Variants in LAMA1 observed in about 807,000 individuals in gnomAD.
LAMA1 encodes laminin subunit alpha 1.
LAMA1 carries 219 observed loss-of-function variants against 348.7 expected under a neutral mutation model. That is an observed-to-expected ratio of 0.63 (90% CI 0.56 to 0.70). The LOEUF is 0.70. Among genes scored for constraint, LAMA1 ranks in the 30% least tolerant of loss-of-function variants. The probability of loss-of-function intolerance (pLI) is 0.00; values close to 1 mark genes in which losing one functional copy is unlikely to be tolerated. For missense variants in LAMA1, 3,744 were observed against 3,888.0 expected (o/e 0.96, Z 0.99); for synonymous variants, 1,487 against 1,491.0 (o/e 1.00, Z 0.06).
rs140941732 is a variant in LAMA1 at position 6,996,403 on chromosome 18, G to C, written c.4807-957C>G. Among the ~76,000 whole-genome samples the C allele has an allele frequency of 1.9e-3, 289 of 152,216 alleles. 7 individuals are homozygous for C. The East Asian group carries it at 0.047, about 25-fold the overall frequency. On this transcript the variant is annotated intron_variant, in intron 33 of 62. Coordinates refer to ENST00000389658, the MANE Select transcript of LAMA1 (RefSeq NM_005559.4). ...ATGGCCATCCCTTTTATTGCTACCT[G>C]GTGCACTGCATAGATTATGTCAAAT...
At chr18:7,007,403 T>G in intron 28 of LAMA1, 127 bp from the exon 29 acceptor site, 8 of 864,970 alleles carry the variant, frequency 9.2e-6, no homozygotes, top group East Asian at 2.7e-5. Context: ...TCGACATCTC[T>G]ATCAGAGAAA....
intron 49 of LAMA1, 46 bp from the exon 50 acceptor site, chr18:6,965,478 G>C: frequency 6.2e-7 from 1 of 1,609,352 alleles, no homozygotes; most frequent in Non-Finnish European, 8.5e-7. Flanking sequence ...CTTTATCCCA[G>C]GTTTCCCTTT....
At chr18:6,977,285 C>G (rs1229353592) in intron 44 of LAMA1, among the ~76,000 whole-genome samples, 1 of 152,172 alleles carries the variant, frequency 6.6e-6, no homozygotes, top group Admixed American at 6.5e-5. Context: ...TCAGACACCT[C>G]AAGGATGAGG....
At chr18:7,013,027 G>C (rs1432326676) in intron 23 of LAMA1, among the ~76,000 whole-genome samples, 1 of 151,824 alleles carries the variant, frequency 6.6e-6, no homozygotes, top group Non-Finnish European at 1.5e-5. Context: ...CAGGCGTGGT[G>C]GTGGGCACCT....
At chr18:7,038,479 C>T (rs897411252) in intron 11 of LAMA1, 1 of 393,916 alleles carries the variant, frequency 2.5e-6, no homozygotes, top group Non-Finnish European at 4.8e-6. Context: ...GCCCTCTGGG[C>T]TCCCAGGCCT....
intron 61 of LAMA1, among the ~76,000 whole-genome samples, chr18:6,944,448 C>T (rs895052677): frequency 2.6e-5 from 4 of 152,146 alleles, no homozygotes; most frequent in Admixed American, 1.3e-4. Context: ...GGCTGAAGAC[C>T]GCCCTCCAAA....
chr18:7,057,705 T>C (rs2058087582), intron 3 of LAMA1, among the ~76,000 whole-genome samples: 1 of 151,604 alleles, frequency 6.6e-6, no homozygotes, highest in South Asian at 2.1e-4. Flanking sequence ...TCTTGAACTC[T>C]TGGGCTCAAG....
At chr18:7,112,993 C>T (rs985972780) in intron 1 of LAMA1, among the ~76,000 whole-genome samples, 4 of 152,172 alleles carry the variant, frequency 2.6e-5, no homozygotes, top group Admixed American at 2.0e-4. Flanking sequence ...TTCAACTTAG[C>T]TCAACAACAA....
rs371549771 is a variant in LAMA1, at chr18:6,964,786, C to T, written c.7213G>A (p.Asp2405Asn). ...NRKQGVLAVI[D>N]AYNTSNKETK... ...TCTTTATTACTGGTGTTATAGGCAT[C>T]GATAACTGCTAGCACTCCTAAAAGG... The change falls in exon 51 of 63, where the codon GAT becomes AAT. Residue 2405 changes from aspartate (D) to asparagine (N), a missense_variant. Asp to Asn is a conservative substitution (Grantham distance 23). Around this residue, in one of 3 missense-constraint regions of LAMA1, gnomAD observed 1,983 missense variants for 1,934.3 expected, o/e 1.03. Coordinates refer to ENST00000389658, the MANE Select transcript of LAMA1 (RefSeq NM_005559.4). 72 of 1,613,858 alleles carry T rather than the reference C, an allele frequency of 4.5e-5. 1 individual carries two copies. The East Asian group carries it at 1.1e-3, about 24-fold the overall frequency.
chr18:7,044,429 A>G lies in LAMA1; in HGVS notation c.976+293T>C, dbSNP rs181776975. ...TTATTTAAAACTTAAATCCAAATCA[A>G]TACAGAATATACAACCTGGCATATC... On this transcript the variant is annotated intron_variant, in intron 7 of 62. Transcript: ENST00000389658. 1.5e-3 allele frequency among the ~76,000 whole-genome samples: 233 copies of G among 152,292 alleles called. 2 individuals are homozygous for G. Among genetic ancestry groups the G allele is most frequent in the Admixed American group, 0.014 (211 of 15,290 alleles).
Position 7,088,869 on chromosome 18 carries a change from C to T in LAMA1, c.62-8412G>A, listed in dbSNP as rs747624301. ...TAAAAATATGTCAAGAGGCTGGACACGGAGGCTCAGGTCTGTAATCCCAGC... is the reference window on the plus strand; with the variant it reads ...TAAAAATATGTCAAGAGGCTGGACATGGAGGCTCAGGTCTGTAATCCCAGC... On this transcript the variant is annotated intron_variant, in intron 1 of 62. Coordinates refer to ENST00000389658, the MANE Select transcript of LAMA1 (RefSeq NM_005559.4). Among the ~76,000 whole-genome samples, 15 of 152,120 alleles carry T rather than the reference C, an allele frequency of 9.9e-5. 1 individual carries two copies. The South Asian group carries it at 1.2e-3, about 13-fold the overall frequency.
Position 6,950,029 on chromosome 18 carries a change from T to G in LAMA1, c.8397+753A>C, listed in dbSNP as rs143057526. Among the ~76,000 whole-genome samples, 311 of 152,222 alleles carry G rather than the reference T, an allele frequency of 2.0e-3. 3 individuals are homozygous for G. The highest frequency in any genetic ancestry group is 7.0e-3 in the African/African-American group (289 of 41,514). Reference sequence around the variant, plus strand: ...CTCCAATTGCCCCATATAGATAACATTGCTATTGTAAAACCTAGGACTGGC... The same window carrying G: ...CTCCAATTGCCCCATATAGATAACAGTGCTATTGTAAAACCTAGGACTGGC... On this transcript the variant is annotated intron_variant, in intron 58 of 62. Transcript: ENST00000389658.
At chr18:7,029,159 G>T (rs2057957453) in intron 16 of LAMA1, among the ~76,000 whole-genome samples, 1 of 152,126 alleles carries the variant, frequency 6.6e-6, no homozygotes, top group African/African-American at 2.4e-5. Flanking sequence ...ATCTAAACTG[G>T]AATATGAATC....
chr18:6,992,369 T>G (rs1375453332), intron 36 of LAMA1, among the ~76,000 whole-genome samples, 192 bp downstream of exon 36: 1 of 152,220 alleles, frequency 6.6e-6, no homozygotes, highest in African/African-American at 2.4e-5. Flanking sequence ...CTGCACAGAT[T>G]ACACCTTTCT....
intron 19 of LAMA1, among the ~76,000 whole-genome samples, chr18:7,021,833 A>ATATT (rs199751950): frequency 3.2e-4 from 21 of 65,914 alleles, no homozygotes; most frequent in African/African-American, 1.7e-3. Flanking sequence ...TATATAATAT[A>ATATT]ATAATATATT....
rs140936136 is a variant in LAMA1 at position 6,985,172 on chromosome 18, C to T, written c.5660+65G>A. ...AGTGACCCATCACTGTGAATAGAAA[C>T]ATCCATCTATTTCTCCGATCAATAG... On this transcript the variant is annotated intron_variant, in intron 39 of 62. Transcript: ENST00000389658. 1.2e-4 allele frequency: 188 copies of T among 1,548,230 alleles called. 1 individual carries two copies. In the East Asian group the frequency reaches 3.0e-3, roughly 25 times the overall value.
chr18:6,997,910 GAGTTAA>G (rs1411703837), intron 32 of LAMA1, 26 bp from the exon 33 acceptor site: 3 of 1,611,812 alleles, frequency 1.9e-6, no homozygotes, highest in Non-Finnish European at 2.5e-6. Flanking sequence ...TTAAAAAGGA[GAGTTAA>G]AGTTAATGCG....
chr18:6,980,898 G>A (rs1476869629), intron 41 of LAMA1, among the ~76,000 whole-genome samples: 3 of 152,020 alleles, frequency 2.0e-5, no homozygotes, highest in Admixed American at 6.6e-5. Context: ...ATTGAGACCA[G>A]CCTGGCTAAC....
rs770713306 is a variant in LAMA1 at position 6,956,725 on chromosome 18, C to T, written c.8005G>A (p.Asp2669Asn). The change falls in exon 56 of 63, where the codon GAC (aspartate) becomes AAC (asparagine). Residue 2669 changes from aspartate (D) to asparagine (N), a missense_variant. Physicochemically the swap from Asp to Asn is conservative, Grantham distance 23. Transcript: ENST00000389658. ...FNSAVGHEQV[D>N]LDTCWLSERP... Reference sequence around the variant, plus strand: ...TCTGACAGCCAGCAGGTGTCCAGGTCGACTTGCTCATGGCCAACTGCACTG... The same window carrying T: ...TCTGACAGCCAGCAGGTGTCCAGGTTGACTTGCTCATGGCCAACTGCACTG... 26 of 1,614,024 alleles carry T rather than the reference C, an allele frequency of 1.6e-5. No individual in the cohort carries two copies. Among genetic ancestry groups the T allele is most frequent in the Admixed American group, 3.3e-5 (2 of 59,994 alleles).
Sources: allele counts gnomAD v4.1 joint callset (sites outside exome capture counted in the v4.1 genomes callset), GRCh38; gene constraint gnomAD v4.1.1; regional missense constraint gnomAD v4.1.1; transcripts MANE v1.5; gene names NCBI Gene and HGNC (gene_info 2026-07-23, HGNC 2026-07-21).